Variants in P2RX4 observed in about 807,000 individuals in gnomAD.
The protein encoded by P2RX4 is purinergic receptor P2X 4.
A neutral mutation model predicts 48.0 loss-of-function variants in P2RX4; 37 were observed. That is an observed-to-expected ratio of 0.77 (90% CI 0.59 to 1.01). The LOEUF is 1.01. Ranked by LOEUF, P2RX4 falls within the 50% of genes least tolerant of loss-of-function variation. The pLI is 0.00. For synonymous variants in P2RX4, 200 were observed against 199.7 expected, an observed-to-expected ratio of 1.00 and a Z score of -0.01; for missense variants, 501 against 521.4, an observed-to-expected ratio of 0.96 and a Z score of 0.38.
At chr12:121,216,820 C>CAA (rs59513233) in intron 1 of P2RX4, 25,983 of 519,450 alleles carry the variant, frequency 0.05, 177 homozygotes, top group East Asian at 0.098. Flanking sequence ...AACATCGTCT[C>CAA]AAAAAAAAAA....
At position 121,232,925 on chromosome 12, in the gene P2RX4, G is replaced by A; in HGVS notation, c.1045-72G>A. 9.4e-7 allele frequency: 1 copy of A among 1,066,002 alleles called. No homozygotes were observed. The highest frequency in any genetic ancestry group is 1.5e-6 in the Non-Finnish European group (1 of 682,380). 66.0% of individuals were successfully genotyped at this position (1,066,002 alleles called of 1,614,324 possible). A position where few individuals can be genotyped will look rare whatever the true frequency, so the allele number is the denominator to read the frequency against. ...AAAGATTCCAGGCTTCTCAGGAAGG[G>A]GCACGCAAAGAATAAGATGGGTTGA... On this transcript the variant is annotated intron_variant, in intron 10 of 11. Coordinates refer to ENST00000337233, the MANE Select transcript of P2RX4 (RefSeq NM_002560.3). This position sits in a 1 kb window ranked among gnomAD's most constrained non-coding sequence, Gnocchi z 4.3.
chr12:121,218,251 G>T lies in P2RX4; in HGVS notation c.282+970G>T, dbSNP rs529229732. Among the ~76,000 whole-genome samples the T allele has an allele frequency of 9.6e-4, 146 of 152,280 alleles. 1 individual carries two copies. Among genetic ancestry groups the T allele is most frequent in the African/African-American group, 3.5e-3 (144 of 41,558 alleles). The stretch of plus-strand genomic sequence containing the variant: ...GCCTGTAATCCCAGCACTTTGGGAG[G>T]CCGAGGTCGGTGTATCATGAGGTCA... On this transcript the variant is annotated intron_variant, in intron 2 of 11. Coordinates refer to ENST00000337233, the MANE Select transcript of P2RX4 (RefSeq NM_002560.3).
At chr12:121,222,665 G>C in intron 4 of P2RX4, 1 of 1,103,696 alleles carries the variant, frequency 9.1e-7, no homozygotes, top group Non-Finnish European at 1.3e-6. Flanking sequence ...ACCCGCCTCA[G>C]CCTCCCAAAG....
chr12:121,216,759 G>A, intron 1 of P2RX4: 1 of 525,700 alleles, frequency 1.9e-6, no homozygotes, highest in Non-Finnish European at 3.4e-6. Flanking sequence ...GGCGGAGGTT[G>A]CAGTGAGCCA....
At position 121,232,976 on chromosome 12, in the gene P2RX4, C is replaced by G; in HGVS notation, c.1045-21C>G. Reference sequence around the variant, plus strand: ...TGGGTTGCAAGCATCCTGGCTCACTCTCACCCTATGCTAAACTCAGGCGAC... The same window carrying G: ...TGGGTTGCAAGCATCCTGGCTCACTGTCACCCTATGCTAAACTCAGGCGAC... On this transcript the variant is annotated intron_variant, in intron 10 of 11. Coordinates refer to ENST00000337233, the MANE Select transcript of P2RX4 (RefSeq NM_002560.3). The surrounding 1 kb of genome is among the most constrained non-coding windows in gnomAD (Gnocchi z 4.3). 6.4e-7 allele frequency: 1 copy of G among 1,560,552 alleles called. No individual in the cohort carries two copies. The highest frequency in any genetic ancestry group is 8.8e-7 in the Non-Finnish European group (1 of 1,131,442).
intron 1 of P2RX4, chr12:121,216,711 T>C (rs955462322): frequency 5.4e-5 from 24 of 443,456 alleles, no homozygotes; most frequent in Non-Finnish European, 9.5e-5. Context: ...TCCCAGCTAC[T>C]TGGGAAGCTG....
intron 2 of P2RX4, among the ~76,000 whole-genome samples, chr12:121,221,166 T>G (rs143322785): frequency 1.3e-4 from 13 of 100,860 alleles, no homozygotes; most frequent in African/African-American, 3.0e-4. Flanking sequence ...CTGTGTGTGT[T>G]TGTGTGTGTG....
chr12:121,228,926 A>T lies in P2RX4; in HGVS notation c.748-37A>T, dbSNP rs762958841. 16 of 1,613,984 alleles carry T rather than the reference A, an allele frequency of 9.9e-6. No individual in the cohort carries two copies. The South Asian group carries it at 1.6e-4, about 17-fold the overall frequency. ...TGGAGGCGTCTCGTGCCAGGTGCTG[A>T]GGAAAGCCTTGCCGTGTCTCTGCTG... On this transcript the variant is annotated intron_variant, in intron 7 of 11. Coordinates refer to ENST00000337233, the MANE Select transcript of P2RX4 (RefSeq NM_002560.3).
rs539370886 is a variant in P2RX4 at position 121,229,155 on chromosome 12, A to T, written c.884+56A>T. 13 of 1,603,962 alleles carry T rather than the reference A, an allele frequency of 8.1e-6. No individual in the cohort carries two copies. The African/African-American group carries it at 1.6e-4, about 20-fold the overall frequency. ...TTGTAGGGGGTGCTGGTGGCTGCGT[A>T]CGTGCCAGTGGGCCGCCCACTGAAG... is the stretch of plus-strand genomic sequence containing the variant. On this transcript the variant is annotated intron_variant, in intron 8 of 11. Transcript: ENST00000337233. This position sits in a 1 kb window ranked among gnomAD's most constrained non-coding sequence, Gnocchi z 4.6.
intron 2 of P2RX4, among the ~76,000 whole-genome samples, chr12:121,218,666 C>T (rs1311842769): frequency 6.6e-6 from 1 of 152,136 alleles, no homozygotes; most frequent in Non-Finnish European, 1.5e-5. Context: ...ACAAGCCCCG[C>T]TTTTGTCCCT....
Position 121,233,105 on chromosome 12 carries a change from T to G in P2RX4, c.1140+13T>G. The G allele has an allele frequency of 6.3e-7, 1 of 1,575,214 alleles. No individual in the cohort carries two copies. Among genetic ancestry groups the G allele is most frequent in the African/African-American group, 1.3e-5 (1 of 74,192 alleles). ...AGATTACGAGCAGGTAGGCCCCTCC[T>G]GGCCCCCAGCAGGCACAGGCCTCTC... is the stretch of plus-strand genomic sequence containing the variant. On this transcript the variant is annotated intron_variant, in intron 11 of 11. Transcript: ENST00000337233.
intron 5 of P2RX4, among the ~76,000 whole-genome samples, chr12:121,228,035 C>T (rs1485718430): frequency 6.6e-6 from 1 of 151,858 alleles, no homozygotes; most frequent in East Asian, 1.9e-4. Flanking sequence ...GTCGAGGCTA[C>T]AAGAAGCTGT....
chr12:121,219,463 G>T (rs1001914840), intron 2 of P2RX4, among the ~76,000 whole-genome samples: 3 of 152,102 alleles, frequency 2.0e-5, no homozygotes, highest in African/African-American at 7.2e-5. Flanking sequence ...AGGCGCAGTG[G>T]CTTACGCCTG....
In P2RX4 at chr12:121,233,794, T is replaced by A; in HGVS notation, c.*245T>A. 1.1e-6 allele frequency: 1 copy of A among 896,672 alleles called. No individual in the cohort carries two copies. The highest frequency in any genetic ancestry group is 1.6e-6 in the Non-Finnish European group (1 of 612,066). The allele number at this position is 896,672 out of a possible 1,614,324, so 55.5% of individuals were successfully genotyped here. ...CTCTGCTTTTCCCGCAACCTGGGGT[T>A]GTCGGGGGAGCGCTGGCCCGACGCA... On this transcript the variant is annotated 3_prime_UTR_variant, in exon 12 of 12. Coordinates refer to ENST00000337233, the MANE Select transcript of P2RX4 (RefSeq NM_002560.3).
chr12:121,211,486 G>C (rs867698141), intron 1 of P2RX4, among the ~76,000 whole-genome samples: 1 of 152,116 alleles, frequency 6.6e-6, no homozygotes, highest in South Asian at 2.1e-4. Flanking sequence ...CCCACGCGGG[G>C]CTGGCACCTG....
intron 1 of P2RX4, chr12:121,214,683 T>A (rs1886104015): frequency 6.6e-6 from 1 of 152,234 alleles, no homozygotes; most frequent in African/African-American, 2.4e-5. Flanking sequence ...CCTGGACTTG[T>A]CAGGGGAAAA....
chr12:121,222,912 G>C (rs1349170382), intron 4 of P2RX4, 35 bp from the exon 5 acceptor site: 1 of 1,522,456 alleles, frequency 6.6e-7, no homozygotes, highest in East Asian at 2.3e-5. Flanking sequence ...GACCCCTGTG[G>C]ACATGGGACC....
In P2RX4 at chr12:121,232,296, G is replaced by A. The variant is rs79858722; in HGVS notation, c.885-118G>A. 2,494 of 745,450 alleles carry A rather than the reference G, an allele frequency of 3.3e-3. 51 individuals are homozygous for A. The African/African-American group carries it at 0.037, about 11-fold the overall frequency. 46.2% of individuals were successfully genotyped at this position (745,450 alleles called of 1,614,324 possible). The stretch of plus-strand genomic sequence containing the variant: ...AGGAGAGGCCCCGAGCCGCTCCAGC[G>A]TCCATTCAGCCGGCAGAGTGGACCA... On this transcript the variant is annotated intron_variant, in intron 8 of 11. Transcript: ENST00000337233. This position sits in a 1 kb window ranked among gnomAD's most constrained non-coding sequence, Gnocchi z 4.3.
chr12:121,225,781 G>A lies in P2RX4; in HGVS notation c.524+2738G>A, dbSNP rs193001216. Reference sequence around the variant, plus strand: ...TTTTGTATGTTGGTTACATGTTGAAGTAATATTTTGGGTTACTGTATAAAA... The same window carrying A: ...TTTTGTATGTTGGTTACATGTTGAAATAATATTTTGGGTTACTGTATAAAA... On this transcript the variant is annotated intron_variant, in intron 5 of 11. Coordinates refer to ENST00000337233, the MANE Select transcript of P2RX4 (RefSeq NM_002560.3). Among the ~76,000 whole-genome samples the A allele has an allele frequency of 6.3e-3, 956 of 152,294 alleles. 44 individuals are homozygous for A. The highest frequency in any genetic ancestry group is 0.058 in the Admixed American group (892 of 15,288).
Sources: allele counts gnomAD v4.1 joint callset (sites outside exome capture counted in the v4.1 genomes callset), GRCh38; gene constraint gnomAD v4.1.1; non-coding constraint Gnocchi (gnomAD v3.1); transcripts MANE v1.5; gene names NCBI Gene and HGNC (gene_info 2026-07-23, HGNC 2026-07-21).